Variants in FTO observed in about 807,000 individuals in gnomAD.
FTO encodes the protein FTO alpha-ketoglutarate dependent dioxygenase, also known as alpha-ketoglutarate-dependent dioxygenase FTO.
In FTO, 47 loss-of-function variants were observed where a neutral mutation model predicts 63.9. The ratio of observed to expected loss-of-function variants is 0.74; its 90% CI spans 0.58 to 0.94. FTO has a LOEUF of 0.94. Among genes scored for constraint, FTO ranks in the 40% least tolerant of loss-of-function variants. The pLI, the probability that FTO is intolerant of heterozygous loss-of-function variation, is 0.00. For synonymous variants in FTO, 207 were observed against 224.4 expected, an observed-to-expected ratio of 0.92 and a Z score of 0.69; for missense variants, 562 against 618.1, an observed-to-expected ratio of 0.91 and a Z score of 0.96.
chr16:53,843,803 T>C (rs1271451686), intron 3 of FTO, among the ~76,000 whole-genome samples: 1 of 148,858 alleles, frequency 6.7e-6, no homozygotes, highest in African/African-American at 2.5e-5. Context: ...ATCTGTTTTT[T>C]ATTTTTAAAA....
intron 8 of FTO, among the ~76,000 whole-genome samples, chr16:54,032,549 T>C (rs554325911): frequency 6.6e-6 from 1 of 152,314 alleles, no homozygotes; most frequent in South Asian, 2.1e-4. Flanking sequence ...ATATCCAAAG[T>C]ACACATCCAG....
At chr16:53,783,604 T>TAAAAA (rs753810468) in intron 1 of FTO, among the ~76,000 whole-genome samples, 23 of 68,018 alleles carry the variant, frequency 3.4e-4, no homozygotes, top group South Asian at 6.4e-4. Flanking sequence ...CAAGACTCCA[T>TAAAAA]AAAAAAAAAA....
intron 8 of FTO, among the ~76,000 whole-genome samples, chr16:53,978,713 A>C (rs2083478040): frequency 6.6e-6 from 1 of 152,144 alleles, no homozygotes; most frequent in Admixed American, 6.5e-5. Flanking sequence ...ATTACCCATA[A>C]TCACCGGGTG....
intron 1 of FTO, among the ~76,000 whole-genome samples, chr16:53,738,713 G>T (rs1449143388): frequency 6.6e-6 from 1 of 152,040 alleles, no homozygotes; most frequent in Non-Finnish European, 1.5e-5. Context: ...ATGTATTAGA[G>T]TTCCATTTTC....
chr16:54,069,461 A>G (rs933418057), intron 8 of FTO, among the ~76,000 whole-genome samples: 1 of 152,222 alleles, frequency 6.6e-6, no homozygotes, highest in African/African-American at 2.4e-5. Context: ...AACACCAAGC[A>G]AATACTAATA....
At chr16:53,862,180 A>G (rs1340006160) in intron 4 of FTO, among the ~76,000 whole-genome samples, 3 of 152,092 alleles carry the variant, frequency 2.0e-5, no homozygotes, top group Non-Finnish European at 4.4e-5. Flanking sequence ...CCCAGCAGGC[A>G]GAGGTTGCAG....
chr16:53,960,098 T>C (rs377401413), intron 8 of FTO, among the ~76,000 whole-genome samples: 2 of 152,194 alleles, frequency 1.3e-5, no homozygotes, highest in East Asian at 3.9e-4. Context: ...AACTCATTTT[T>C]TGAGACTTCC....
chr16:53,981,912 C>CA (rs540781287), intron 8 of FTO: 11,792 of 95,372 alleles, frequency 0.12, 595 homozygotes, highest in Admixed American at 0.18. Context: ...GCTCTGTTTC[C>CA]AAAAAAAAAA....
At chr16:53,715,534 T>C (rs2075874989) in intron 1 of FTO, among the ~76,000 whole-genome samples, 1 of 152,182 alleles carries the variant, frequency 6.6e-6, no homozygotes, top group African/African-American at 2.4e-5. Context: ...GCAGATGTGT[T>C]TTTGCATCGT....
intron 8 of FTO, among the ~76,000 whole-genome samples, chr16:54,081,448 A>G (rs1294323113): frequency 6.6e-6 from 1 of 152,152 alleles, no homozygotes; most frequent in Non-Finnish European, 1.5e-5. Context: ...CCTGACACCC[A>G]ATCAGGACAC....
At chr16:54,106,842 CATTATATATAATA>C (rs1235124056) in intron 8 of FTO, among the ~76,000 whole-genome samples, 7 of 132,538 alleles carry the variant, frequency 5.3e-5, no homozygotes, top group South Asian at 2.4e-4. Context: ...TTATGTATAT[CATTATATATAATA>C]ATTATATATA....
At chr16:53,943,248 G>A (rs566536636) in intron 8 of FTO, among the ~76,000 whole-genome samples, 1 of 152,302 alleles carries the variant, frequency 6.6e-6, no homozygotes, top group Non-Finnish European at 1.5e-5. Flanking sequence ...CCAAGATACA[G>A]CAACTTATCT....
At chr16:53,866,716 C>T (rs1442917016) in intron 4 of FTO, among the ~76,000 whole-genome samples, 2 of 151,984 alleles carry the variant, frequency 1.3e-5, no homozygotes, top group Non-Finnish European at 2.9e-5. Flanking sequence ...GTAGTGATGT[C>T]ATCTCTTTCA....
At chr16:53,715,045 G>A (rs2075862310) in intron 1 of FTO, among the ~76,000 whole-genome samples, 1 of 152,144 alleles carries the variant, frequency 6.6e-6, no homozygotes, top group Non-Finnish European at 1.5e-5. Context: ...CTAATCCTCT[G>A]TAAAATTACT....
chr16:54,106,113 A>G (rs192811731), intron 8 of FTO, among the ~76,000 whole-genome samples: 1 of 152,290 alleles, frequency 6.6e-6, no homozygotes, highest in Non-Finnish European at 1.5e-5. Context: ...TTGCATACCC[A>G]TAATTAACAC....
intron 7 of FTO, among the ~76,000 whole-genome samples, chr16:53,901,646 C>T (rs1248719255): frequency 3.9e-5 from 6 of 152,146 alleles, no homozygotes; most frequent in Non-Finnish European, 8.8e-5. Flanking sequence ...TTCAGCTTGT[C>T]AGTCACACCA....
At position 53,766,065 on chromosome 16, in the gene FTO, T is replaced by C. The variant is rs9930333; in HGVS notation, c.46-44075T>C. 8.7e-3 allele frequency among the ~76,000 whole-genome samples: 1,322 copies of C among 151,866 alleles called. 18 individuals carry two copies. The highest frequency in any genetic ancestry group is 0.029 in the African/African-American group (1,214 of 41,390). On this transcript the variant is annotated intron_variant, in intron 1 of 8. Coordinates refer to ENST00000471389, the MANE Select transcript of FTO (RefSeq NM_001080432.3). Reference sequence around the variant, plus strand: ...GGAATGTTCTGATGGCTTGGCCCAGTTGGTGACTGTGCAGATAGACTGAAG... The same window carrying C: ...GGAATGTTCTGATGGCTTGGCCCAGCTGGTGACTGTGCAGATAGACTGAAG...
intron 7 of FTO, among the ~76,000 whole-genome samples, chr16:53,933,121 C>T (rs2082318727): frequency 6.6e-6 from 1 of 152,210 alleles, no homozygotes; most frequent in African/African-American, 2.4e-5. Context: ...TAAATATGCG[C>T]TGTCAAATGC....
chr16:53,857,842 G>C (rs1381303849), intron 4 of FTO, among the ~76,000 whole-genome samples: 1 of 152,082 alleles, frequency 6.6e-6, no homozygotes, highest in Admixed American at 6.5e-5. Context: ...TTCTGTGCAT[G>C]GATAGTTATT....
Sources: gnomAD v4.1 joint callset for allele counts (sites outside exome capture counted in the v4.1 genomes callset) on GRCh38, gnomAD v4.1.1 for gene constraint, MANE v1.5 for transcripts, NCBI Gene and HGNC (gene_info 2026-07-23, HGNC 2026-07-21) for gene names.